The following ROBO2 variants were observed in gnomAD, a reference collection of about 807,000 sequenced individuals.
ROBO2 encodes the protein roundabout guidance receptor 2.
In ROBO2, 53 loss-of-function variants were observed where a neutral mutation model predicts 160.8. The ratio of observed to expected loss-of-function variants is 0.33; its 90% CI spans 0.26 to 0.41. ROBO2 has a LOEUF of 0.41. Ranked by LOEUF, ROBO2 falls within the 10% of genes least tolerant of loss-of-function variation. The pLI is 1.00. For synonymous variants in ROBO2, 664 were observed against 611.7 expected, an observed-to-expected ratio of 1.09 and a Z score of -1.26; for missense variants, 1,577 against 1,722.4, an observed-to-expected ratio of 0.92 and a Z score of 1.49.
intron 24 of ROBO2, chr3:77,642,812 A>G (rs1438336275): frequency 4.4e-6 from 2 of 456,590 alleles, no homozygotes; most frequent in Non-Finnish European, 8.8e-6. Context: ...AGCTTAGAAG[A>G]CACAAAGAGC....
chr3:76,911,697 T>G (rs1372272524), intron 2 of ROBO2, among the ~76,000 whole-genome samples: 1 of 152,224 alleles, frequency 6.6e-6, no homozygotes. Context: ...TCAAAATTCA[T>G]AAATAAATTT....
intron 2 of ROBO2, among the ~76,000 whole-genome samples, chr3:76,018,632 C>G (rs970132682): frequency 6.6e-6 from 1 of 151,840 alleles, no homozygotes; most frequent in Admixed American, 6.6e-5. Context: ...TTTCTGACTT[C>G]AAACTTAATT....
intron 2 of ROBO2, among the ~76,000 whole-genome samples, chr3:77,277,711 A>G (rs1424076799): frequency 2.6e-5 from 4 of 152,114 alleles, no homozygotes; most frequent in African/African-American, 9.7e-5. Context: ...CACTGTGGAC[A>G]TTTGGGTTGA....
At chr3:77,291,200 T>C (rs1422130525) in intron 2 of ROBO2, among the ~76,000 whole-genome samples, 1 of 150,672 alleles carries the variant, frequency 6.6e-6, no homozygotes, top group Non-Finnish European at 1.5e-5. Context: ...AATTGATGGT[T>C]AAATGGGTAA....
At chr3:76,893,711 T>C (rs192539716) in intron 2 of ROBO2, among the ~76,000 whole-genome samples, 7 of 152,246 alleles carry the variant, frequency 4.6e-5, no homozygotes, top group Admixed American at 3.9e-4. Flanking sequence ...AAATATACAA[T>C]ACATTATTGT....
chr3:77,209,224 C>G (rs2083799352), intron 2 of ROBO2, among the ~76,000 whole-genome samples: 2 of 152,042 alleles, frequency 1.3e-5, no homozygotes, highest in African/African-American at 4.8e-5. Context: ...GTTTCATGAT[C>G]TATGAATCTA....
At chr3:76,289,647 C>T (rs1387557176) in intron 2 of ROBO2, among the ~76,000 whole-genome samples, 1 of 151,996 alleles carries the variant, frequency 6.6e-6, no homozygotes, top group African/African-American at 2.4e-5. Flanking sequence ...GTCTTTAATC[C>T]ATCTTGAGTT....
intron 2 of ROBO2, among the ~76,000 whole-genome samples, chr3:77,452,359 A>C (rs1023096245): frequency 6.6e-6 from 1 of 152,150 alleles, no homozygotes; most frequent in African/African-American, 2.4e-5. Flanking sequence ...TTGTGGAAAT[A>C]TTATCTTTTT....
chr3:76,881,953 T>C (rs936115945), intron 2 of ROBO2, among the ~76,000 whole-genome samples: 12 of 151,924 alleles, frequency 7.9e-5, no homozygotes, highest in African/African-American at 2.9e-4. Flanking sequence ...TGTGTGTATG[T>C]GTGTCTGTTG....
At chr3:77,259,110 A>G (rs970921072) in intron 2 of ROBO2, among the ~76,000 whole-genome samples, 1 of 152,172 alleles carries the variant, frequency 6.6e-6, no homozygotes, top group African/African-American at 2.4e-5. Context: ...CCTCGTATTC[A>G]CATCCAATTT....
At chr3:76,112,779 T>G (rs2070294140) in intron 2 of ROBO2, among the ~76,000 whole-genome samples, 1 of 152,090 alleles carries the variant, frequency 6.6e-6, no homozygotes, top group African/African-American at 2.4e-5. Flanking sequence ...TTTGCACATC[T>G]ATGTTTTTCT....
chr3:77,374,241 C>T (rs1200909033), intron 2 of ROBO2, among the ~76,000 whole-genome samples: 1 of 115,088 alleles, frequency 8.7e-6, no homozygotes, highest in Non-Finnish European at 1.7e-5. Flanking sequence ...AACCTGAATA[C>T]AGTCTTTAAA....
At chr3:76,237,538 C>T (rs1156618838) in intron 2 of ROBO2, among the ~76,000 whole-genome samples, 1 of 152,136 alleles carries the variant, frequency 6.6e-6, no homozygotes, top group Admixed American at 6.5e-5. Context: ...ATCATTGAGA[C>T]TTCCTGACTG....
At chr3:76,307,241 C>T (rs1486363985) in intron 2 of ROBO2, among the ~76,000 whole-genome samples, 2 of 152,156 alleles carry the variant, frequency 1.3e-5, no homozygotes, top group East Asian at 1.9e-4. Context: ...AATATATTCT[C>T]ATTATTTGAT....
Position 76,119,057 on chromosome 3 carries a change from A to G in ROBO2, c.109+181455A>G, listed in dbSNP as rs2070605096. On this transcript the variant is annotated intron_variant, in intron 2 of 26. Transcript: ENST00000487694. ...TGGGAAATGAATGCAATATGAGGAC[A>G]TAGCAGATACAGAGAAAAATATTGT... Among the ~76,000 whole-genome samples, 3 of 152,340 alleles carry G rather than the reference A, an allele frequency of 2.0e-5. No homozygotes were observed. In the South Asian group the frequency reaches 6.2e-4, roughly 32 times the overall value.
intron 21 of ROBO2, among the ~76,000 whole-genome samples, chr3:77,612,424 ATTC>A (rs1270469460): frequency 6.6e-6 from 1 of 152,100 alleles, no homozygotes; most frequent in Non-Finnish European, 1.5e-5. Context: ...ATAACAGACC[ATTC>A]TTCTCCTTCA....
intron 2 of ROBO2, among the ~76,000 whole-genome samples, chr3:76,966,979 G>A (rs760269381): frequency 1.1e-4 from 17 of 152,222 alleles, no homozygotes; most frequent in South Asian, 2.1e-4. Flanking sequence ...CCAGCAATGC[G>A]GAAATGTTAC....
exon 21 of ROBO2, chr3:77,607,890 C>T: frequency 6.2e-7 from 1 of 1,613,924 alleles, no homozygotes; most frequent in Non-Finnish European, 8.5e-7. Context: ...TCTACCTCCC[C>T]CCCCAGTCCA....
intron 2 of ROBO2, among the ~76,000 whole-genome samples, chr3:76,203,928 G>C (rs904011664): frequency 6.6e-6 from 1 of 152,188 alleles, no homozygotes; most frequent in Non-Finnish European, 1.5e-5. Context: ...ATGCCTTGCT[G>C]TTCCTGCCCG....
Sources: gnomAD v4.1 joint callset for allele counts (sites outside exome capture counted in the v4.1 genomes callset) on GRCh38, gnomAD v4.1.1 for gene constraint, MANE v1.5 for transcripts, NCBI Gene and HGNC (gene_info 2026-07-23, HGNC 2026-07-21) for gene names.